HTR2C: variants seen among roughly 807,000 people sequenced by gnomAD.
HTR2C encodes the protein 5-hydroxytryptamine (serotonin) receptor 2C, G protein-coupled.
A neutral mutation model predicts 21.0 loss-of-function variants in HTR2C; 5 were observed. That is an observed-to-expected ratio of 0.24 (90% CI 0.12 to 0.50). The LOEUF (loss-of-function observed/expected upper bound fraction) is 0.50. Ranked by LOEUF, HTR2C falls within the 20% of genes least tolerant of loss-of-function variation. The probability of loss-of-function intolerance (pLI) is 0.98; values close to 1 mark genes in which losing one functional copy is unlikely to be tolerated. For synonymous variants in HTR2C, 150 were observed against 145.3 expected (o/e 1.03, Z -0.23); for missense variants, 271 against 371.2 (o/e 0.73, Z 2.22).
At chrX:114,741,998 G>C (rs1451910859) in intron 4 of HTR2C, among the ~76,000 whole-genome samples, 4 of 111,174 alleles carry the variant, frequency 3.6e-5, no homozygotes, top group African/African-American at 1.3e-4. Context: ...TTTCCAGCCA[G>C]AGTAACTGAC....
At chrX:114,790,937 G>T (rs782419430) in intron 4 of HTR2C, among the ~76,000 whole-genome samples, 1 of 111,285 alleles carries the variant, frequency 9.0e-6, no homozygotes, top group African/African-American at 3.3e-5. Flanking sequence ...ATGAGAGGTT[G>T]CAATGAGCTG....
At chrX:114,775,409 G>A (rs2070047162) in intron 4 of HTR2C, 1 of 521,294 alleles carries the variant, frequency 1.9e-6, no homozygotes, top group South Asian at 2.3e-5. Flanking sequence ...CAAGCAGGTT[G>A]TCATCCTTGG....
chrX:114,654,615 A>C (rs1556409027), intron 2 of HTR2C, among the ~76,000 whole-genome samples: 2 of 110,072 alleles, frequency 1.8e-5, no homozygotes, highest in Admixed American at 2.0e-4. Context: ...GTTGTACCCT[A>C]ATACTTGGTT....
intron 4 of HTR2C, among the ~76,000 whole-genome samples, chrX:114,738,995 CATT>C (rs1186806484): frequency 2.7e-5 from 3 of 109,545 alleles, no homozygotes; most frequent in Admixed American, 9.8e-5. Context: ...TATATTAATA[CATT>C]ATTATATTTA....
chrX:114,752,539 G>A (rs1005539704), intron 4 of HTR2C, among the ~76,000 whole-genome samples: 1 of 110,969 alleles, frequency 9.0e-6, no homozygotes, highest in African/African-American at 3.3e-5. Flanking sequence ...GCAATTCACC[G>A]AAGACTATCA....
chrX:114,651,251 A>C (rs1027052733), intron 2 of HTR2C, among the ~76,000 whole-genome samples: 1 of 111,716 alleles, frequency 9.0e-6, no homozygotes, highest in East Asian at 2.8e-4. Context: ...GTGATGAACA[A>C]AGATGTTTAA....
intron 4 of HTR2C, among the ~76,000 whole-genome samples, chrX:114,761,340 T>G (rs2069864033): frequency 9.0e-6 from 1 of 110,977 alleles, no homozygotes; most frequent in African/African-American, 3.3e-5. Flanking sequence ...GGGTTGTTTT[T>G]TATCAAAATA....
At chrX:114,787,701 A>G in intron 4 of HTR2C, among the ~76,000 whole-genome samples, 1 of 111,543 alleles carries the variant, frequency 9.0e-6, no homozygotes, top group Non-Finnish European at 1.9e-5. Context: ...TAATCCCAGC[A>G]CTGTGGGAGG....
At chrX:114,803,997 T>C (rs1328991759) in intron 4 of HTR2C, among the ~76,000 whole-genome samples, 4 of 111,987 alleles carry the variant, frequency 3.6e-5, no homozygotes, top group Admixed American at 9.6e-5. Context: ...GTGCTGGAGA[T>C]ATAATAGTAA....
At chrX:114,893,099 G>A (rs2071271023) in intron 5 of HTR2C, among the ~76,000 whole-genome samples, 1 of 108,669 alleles carries the variant, frequency 9.2e-6, no homozygotes, top group Admixed American at 1.0e-4. Context: ...ATTTTTAGTA[G>A]AGACGGGGTT....
intron 2 of HTR2C, among the ~76,000 whole-genome samples, chrX:114,670,288 G>T (rs782003757): frequency 1.8e-5 from 2 of 108,721 alleles, no homozygotes; most frequent in African/African-American, 6.7e-5. Context: ...CCAGCTACTT[G>T]GGAGGCTGAG....
intron 5 of HTR2C, among the ~76,000 whole-genome samples, chrX:114,857,067 A>G (rs34890342): frequency 0.11 from 12,015 of 110,882 alleles, 630 homozygotes; most frequent in South Asian, 0.21. Flanking sequence ...GATATAGTCA[A>G]TGATGTTTTG....
chrX:114,800,239 A>G (rs1233032474), intron 4 of HTR2C, among the ~76,000 whole-genome samples: 1 of 111,562 alleles, frequency 9.0e-6, no homozygotes, highest in East Asian at 2.8e-4. Flanking sequence ...ATTTCAACTG[A>G]AATTAAAGTA....
chrX:114,625,709 T>G, intron 2 of HTR2C, among the ~76,000 whole-genome samples: 1 of 112,166 alleles, frequency 8.9e-6, no homozygotes, highest in Middle Eastern at 4.6e-3. Context: ...GAGAAGTGGC[T>G]TTTGAGCTCA....
intron 5 of HTR2C, among the ~76,000 whole-genome samples, chrX:114,852,276 T>C (rs1248397791): frequency 2.7e-5 from 3 of 110,676 alleles, no homozygotes; most frequent in African/African-American, 9.8e-5. Flanking sequence ...TGACTTTATT[T>C]TTTAATATGT....
intron 4 of HTR2C, among the ~76,000 whole-genome samples, chrX:114,798,847 C>T (rs2070319758): frequency 9.0e-6 from 1 of 110,900 alleles, no homozygotes; most frequent in Non-Finnish European, 1.9e-5. Flanking sequence ...ATGTCTAAAT[C>T]CTTGACTCCT....
chrX:114,646,516 C>G (rs1300032947), intron 2 of HTR2C, among the ~76,000 whole-genome samples: 1 of 112,250 alleles, frequency 8.9e-6, no homozygotes. Flanking sequence ...ATATTTCACT[C>G]TGCTTTTAAT....
At chrX:114,657,727 T>C (rs1556409494) in intron 2 of HTR2C, among the ~76,000 whole-genome samples, 1 of 111,422 alleles carries the variant, frequency 9.0e-6, no homozygotes, top group Non-Finnish European at 1.9e-5. Context: ...ATGCTTTAAG[T>C]TTTAGGGTAC....
At chrX:114,859,006 A>C (rs2070985699) in intron 5 of HTR2C, among the ~76,000 whole-genome samples, 1 of 110,732 alleles carries the variant, frequency 9.0e-6, no homozygotes, top group Non-Finnish European at 1.9e-5. Context: ...GCATTCTTGA[A>C]ATAAATCCCA....
Sources: allele counts gnomAD v4.1 joint callset (sites outside exome capture counted in the v4.1 genomes callset), GRCh38; gene constraint gnomAD v4.1.1; transcripts MANE v1.5; gene names NCBI Gene and HGNC (gene_info 2026-07-23, HGNC 2026-07-21).